Variants in CAMKMT observed in about 807,000 individuals in gnomAD.
CAMKMT encodes the protein calmodulin-lysine N-methyltransferase, also known as CaM KMT.
CAMKMT carries 53 observed loss-of-function variants against 48.0 expected under a neutral mutation model. The observed-to-expected ratio is 1.10, with a 90% confidence interval of 0.89 to 1.39. The LOEUF is 1.39. CAMKMT is among the 40% of genes most tolerant of loss of function. The probability of loss-of-function intolerance (pLI) is 0.00; values close to 1 mark genes in which losing one functional copy is unlikely to be tolerated. For missense variants in CAMKMT, 428 were observed against 402.7 expected (o/e 1.06, Z -0.54); for synonymous variants, 165 against 152.3 (o/e 1.08, Z -0.61).
intron 3 of CAMKMT, among the ~76,000 whole-genome samples, chr2:44,585,761 GGGAACAGCTA>G (rs1453877243): frequency 3.3e-5 from 5 of 152,166 alleles, no homozygotes; most frequent in Admixed American, 1.3e-4. Context: ...GATGGAAGAT[GGGAACAGCTA>G]GGCCATAAAT....
intron 2 of CAMKMT, among the ~76,000 whole-genome samples, chr2:44,386,249 G>T (rs1680767975): frequency 6.6e-6 from 1 of 151,964 alleles, no homozygotes; most frequent in Admixed American, 6.6e-5. Flanking sequence ...ATTTAAGCTA[G>T]GAGGGTTATA....
At chr2:44,397,157 C>T (rs1235135474) in intron 3 of CAMKMT, among the ~76,000 whole-genome samples, 1 of 151,942 alleles carries the variant, frequency 6.6e-6, no homozygotes, top group East Asian at 1.9e-4. Flanking sequence ...TGTATTAGTC[C>T]CCCATTACAC....
At chr2:44,744,107 T>C (rs966945059) in intron 8 of CAMKMT, among the ~76,000 whole-genome samples, 6 of 152,246 alleles carry the variant, frequency 3.9e-5, no homozygotes, top group Non-Finnish European at 8.8e-5. Context: ...GGAAAATATA[T>C]GTGTGTGTGT....
chr2:44,700,965 T>G (rs556994801), intron 3 of CAMKMT, among the ~76,000 whole-genome samples: 72 of 152,328 alleles, frequency 4.7e-4, no homozygotes, highest in African/African-American at 1.7e-3. Flanking sequence ...TGTTGTAGCA[T>G]GTATCAGTTC....
At chr2:44,575,754 G>T (rs1161999358) in intron 3 of CAMKMT, among the ~76,000 whole-genome samples, 1 of 151,558 alleles carries the variant, frequency 6.6e-6, no homozygotes, top group Non-Finnish European at 1.5e-5. Context: ...CTATTCAGGA[G>T]GCTGAGGTGG....
chr2:44,574,436 G>A (rs1328628166), intron 3 of CAMKMT, among the ~76,000 whole-genome samples: 1 of 152,162 alleles, frequency 6.6e-6, no homozygotes, highest in East Asian at 1.9e-4. Context: ...GGCTTGGTGT[G>A]TGAGAGTTAG....
intron 3 of CAMKMT, among the ~76,000 whole-genome samples, chr2:44,555,609 A>G (rs190688541): frequency 6.6e-6 from 1 of 152,282 alleles, no homozygotes; most frequent in East Asian, 1.9e-4. Flanking sequence ...TCTTCAAATG[A>G]ATGTGGGTTG....
intron 3 of CAMKMT, among the ~76,000 whole-genome samples, chr2:44,468,588 T>C (rs549415854): frequency 2.1e-4 from 32 of 152,268 alleles, no homozygotes; most frequent in Middle Eastern, 3.4e-3. Context: ...AGCCAAGATA[T>C]GGAATCAATC....
At chr2:44,496,308 A>G (rs1485652979) in intron 3 of CAMKMT, among the ~76,000 whole-genome samples, 1 of 152,204 alleles carries the variant, frequency 6.6e-6, no homozygotes, top group Non-Finnish European at 1.5e-5. Context: ...ACTATTGCAC[A>G]ATATTGTCAA....
At chr2:44,698,551 A>G (rs1202406474) in intron 3 of CAMKMT, among the ~76,000 whole-genome samples, 2 of 152,238 alleles carry the variant, frequency 1.3e-5, no homozygotes. Context: ...AAAGATGCAC[A>G]TACCTTACTA....
At chr2:44,685,058 G>A (rs189044271) in intron 3 of CAMKMT, among the ~76,000 whole-genome samples, 131 of 151,876 alleles carry the variant, frequency 8.6e-4, no homozygotes, top group African/African-American at 3.0e-3. Context: ...CATGTGCATC[G>A]TGTAAACATG....
chr2:44,435,560 A>C (rs1414542999), intron 3 of CAMKMT, among the ~76,000 whole-genome samples: 3 of 152,256 alleles, frequency 2.0e-5, no homozygotes, highest in African/African-American at 7.2e-5. Flanking sequence ...TATAAAATGT[A>C]TAATGAAATA....
At chr2:44,412,581 C>T (rs1021341613) in intron 3 of CAMKMT, among the ~76,000 whole-genome samples, 5 of 152,024 alleles carry the variant, frequency 3.3e-5, no homozygotes, top group Admixed American at 6.6e-5. Flanking sequence ...GGTGATCCAC[C>T]CATCTTGGCC....
At chr2:44,427,862 G>A (rs565592328) in intron 3 of CAMKMT, among the ~76,000 whole-genome samples, 78 of 152,238 alleles carry the variant, frequency 5.1e-4, no homozygotes, top group Middle Eastern at 3.4e-3. Flanking sequence ...TGGGACTTGC[G>A]ACAGGGTTGG....
chr2:44,627,471 C>T (rs1030969728), intron 3 of CAMKMT, among the ~76,000 whole-genome samples: 3 of 151,974 alleles, frequency 2.0e-5, no homozygotes, highest in African/African-American at 7.2e-5. Flanking sequence ...AGTAATTCTT[C>T]CCTTAATGCT....
At chr2:44,691,586 C>T (rs1470753366) in intron 3 of CAMKMT, among the ~76,000 whole-genome samples, 1 of 152,206 alleles carries the variant, frequency 6.6e-6, no homozygotes, top group Non-Finnish European at 1.5e-5. Flanking sequence ...ATTTCTCCTG[C>T]TTCCACATGC....
chr2:44,712,554 G>A (rs1677939953), intron 6 of CAMKMT, among the ~76,000 whole-genome samples: 1 of 152,116 alleles, frequency 6.6e-6, no homozygotes, highest in Admixed American at 6.6e-5. Flanking sequence ...AGAAAACCTA[G>A]AGTTAGAATT....
chr2:44,627,165 T>G (rs1490595387), intron 3 of CAMKMT, among the ~76,000 whole-genome samples: 2 of 152,198 alleles, frequency 1.3e-5, no homozygotes, highest in African/African-American at 4.8e-5. Context: ...TGTGGTAAAT[T>G]ACATGATTTT....
chr2:44,397,004 A>C (rs1049508167), intron 3 of CAMKMT, among the ~76,000 whole-genome samples: 8 of 150,762 alleles, frequency 5.3e-5, no homozygotes, highest in African/African-American at 2.0e-4. Flanking sequence ...GGTTGCAGTG[A>C]GCCGAGATTG....
Sources: gnomAD v4.1 joint callset for allele counts (sites outside exome capture counted in the v4.1 genomes callset) on GRCh38, gnomAD v4.1.1 for gene constraint, MANE v1.5 for transcripts, NCBI Gene and HGNC (gene_info 2026-07-23, HGNC 2026-07-21) for gene names.